Variants in CADM2 observed in about 807,000 individuals in gnomAD.
CADM2 encodes cell adhesion molecule 2, also known as immunoglobulin superfamily member 4D.
A neutral mutation model predicts 49.8 loss-of-function variants in CADM2; 12 were observed. The observed-to-expected ratio is 0.24, with a 90% CI of 0.15 to 0.39. The LOEUF (loss-of-function observed/expected upper bound fraction) is 0.39. CADM2 is among the 10% of genes least tolerant of loss of function. The probability of loss-of-function intolerance (pLI) is 1.00; values close to 1 mark genes in which losing one functional copy is unlikely to be tolerated. For synonymous variants in CADM2, 214 were observed against 175.4 expected, an observed-to-expected ratio of 1.22 and a Z score of -1.74; for missense variants, 378 against 492.3, an observed-to-expected ratio of 0.77 and a Z score of 2.20.
intron 1 of CADM2, among the ~76,000 whole-genome samples, chr3:85,387,097 C>G (rs2034272200): frequency 6.6e-6 from 1 of 152,050 alleles, no homozygotes; most frequent in Non-Finnish European, 1.5e-5. Flanking sequence ...TCTCATGGAG[C>G]CGCTGGGGGA....
At chr3:85,013,533 T>C (rs1057234112) in intron 1 of CADM2, among the ~76,000 whole-genome samples, 1 of 151,758 alleles carries the variant, frequency 6.6e-6, no homozygotes, top group Non-Finnish European at 1.5e-5. Context: ...GAATACAAAT[T>C]CTTGTGGCAT....
intron 8 of CADM2, among the ~76,000 whole-genome samples, chr3:86,053,652 A>T (rs1302561932): frequency 1.3e-5 from 2 of 152,062 alleles, no homozygotes; most frequent in Admixed American, 1.3e-4. Context: ...ACTTTCCCGT[A>T]TGAAAATTCT....
At chr3:85,723,304 A>G (rs1361068020) in intron 1 of CADM2, among the ~76,000 whole-genome samples, 1 of 152,148 alleles carries the variant, frequency 6.6e-6, no homozygotes, top group Non-Finnish European at 1.5e-5. Context: ...AGTATCTTTA[A>G]TTCTGTTCTG....
At chr3:85,267,842 C>T (rs1553702418) in intron 1 of CADM2, among the ~76,000 whole-genome samples, 1 of 151,508 alleles carries the variant, frequency 6.6e-6, no homozygotes, top group Non-Finnish European at 1.5e-5. Flanking sequence ...AGGCAGAATA[C>T]ATTTATCTTA....
chr3:85,530,456 A>G (rs62252499), intron 1 of CADM2, among the ~76,000 whole-genome samples: 77,470 of 148,304 alleles, frequency 0.52, 22,944 homozygotes, highest in East Asian at 0.85. Context: ...TCAGCCTCCC[A>G]AGTCGCTGGG....
intron 1 of CADM2, among the ~76,000 whole-genome samples, chr3:84,967,869 C>T (rs1229821389): frequency 6.6e-6 from 1 of 151,854 alleles, no homozygotes; most frequent in Non-Finnish European, 1.5e-5. Context: ...TTGAAAGCTC[C>T]ATTCCGTAAT....
intron 1 of CADM2, among the ~76,000 whole-genome samples, chr3:85,209,133 C>T (rs1038858157): frequency 1.3e-5 from 2 of 152,090 alleles, no homozygotes; most frequent in Middle Eastern, 3.4e-3. Context: ...GTTTTTCCTC[C>T]AAAATACTAC....
chr3:85,033,305 G>T (rs1213126190), intron 1 of CADM2, among the ~76,000 whole-genome samples: 1 of 152,114 alleles, frequency 6.6e-6, no homozygotes, highest in African/African-American at 2.4e-5. Flanking sequence ...CTCCCAAGGT[G>T]CTCACTGAAT....
At chr3:84,965,836 G>A (rs1329131287) in intron 1 of CADM2, among the ~76,000 whole-genome samples, 2 of 152,088 alleles carry the variant, frequency 1.3e-5, no homozygotes, top group Non-Finnish European at 1.5e-5. Context: ...TGTCTCTTCA[G>A]TTTATTTAGT....
At chr3:85,411,502 G>GAA (rs2035654193) in intron 1 of CADM2, among the ~76,000 whole-genome samples, 6 of 152,064 alleles carry the variant, frequency 3.9e-5, no homozygotes, top group Admixed American at 3.9e-4. Flanking sequence ...GATTCTTTAC[G>GAA]GAGAAAGTGA....
intron 1 of CADM2, among the ~76,000 whole-genome samples, chr3:85,014,988 G>A (rs1027667243): frequency 6.6e-6 from 1 of 151,880 alleles, no homozygotes; most frequent in Non-Finnish European, 1.5e-5. Flanking sequence ...TGAGAAAGAA[G>A]GTTTACAGTT....
intron 1 of CADM2, among the ~76,000 whole-genome samples, chr3:85,116,041 C>T (rs957480482): frequency 2.0e-5 from 3 of 152,114 alleles, no homozygotes; most frequent in South Asian, 2.1e-4. Flanking sequence ...AACACATGTG[C>T]GTGGGCCAGG....
At chr3:85,988,726 T>C (rs1037443306) in intron 8 of CADM2, among the ~76,000 whole-genome samples, 1 of 152,218 alleles carries the variant, frequency 6.6e-6, no homozygotes, top group Non-Finnish European at 1.5e-5. Context: ...GTCCAGAGAA[T>C]TCTGTTCAAA....
chr3:85,873,654 A>G (rs1711498687), intron 3 of CADM2, among the ~76,000 whole-genome samples: 1 of 152,164 alleles, frequency 6.6e-6, no homozygotes, highest in South Asian at 2.1e-4. Context: ...TGACAGAGTG[A>G]GTGAAATTCA....
At position 85,541,768 on chromosome 3, in the gene CADM2, T is replaced by TTTATATA. The variant is rs1559897676; in HGVS notation, c.62-184753_62-184752insTATATAT. Among the ~76,000 whole-genome samples the TTTATATA allele has an allele frequency of 4.9e-5, 3 of 61,032 alleles. 1 individual carries two copies. The highest frequency in any genetic ancestry group is 2.5e-4 in the African/African-American group (3 of 11,828). 40.0% of individuals were successfully genotyped at this position (61,032 alleles called of 152,430 possible). On this transcript the variant is annotated intron_variant, in intron 1 of 9. Transcript: ENST00000383699. ...ATTTTATATATTTTATATATATATT[T>TTTATATA]TATATTTTATATATATATATATATA...
intron 8 of CADM2, among the ~76,000 whole-genome samples, chr3:86,030,111 C>T (rs1424078041): frequency 6.6e-6 from 1 of 151,796 alleles, no homozygotes; most frequent in Non-Finnish European, 1.5e-5. Flanking sequence ...TTGAAAAAGA[C>T]CACTTGAATA....
chr3:85,799,905 C>T (rs1173132482), intron 2 of CADM2: 1 of 152,346 alleles, frequency 6.6e-6, no homozygotes, highest in African/African-American at 2.4e-5. Flanking sequence ...TAGCAGAGTT[C>T]GAGCATTGTG....
At chr3:85,870,130 C>T (rs567277268) in intron 3 of CADM2, among the ~76,000 whole-genome samples, 65 of 152,256 alleles carry the variant, frequency 4.3e-4, no homozygotes, top group Admixed American at 3.3e-4. Flanking sequence ...AAATGCAGCA[C>T]TGACTTGGTA....
At chr3:85,615,891 G>T (rs2063789319) in intron 1 of CADM2, among the ~76,000 whole-genome samples, 2 of 151,818 alleles carry the variant, frequency 1.3e-5, no homozygotes, top group Non-Finnish European at 2.9e-5. Flanking sequence ...TTTCATTTCA[G>T]ATCTTGTAAA....
Sources: gnomAD v4.1 joint callset for allele counts (sites outside exome capture counted in the v4.1 genomes callset) on GRCh38, gnomAD v4.1.1 for gene constraint, MANE v1.5 for transcripts, NCBI Gene and HGNC (gene_info 2026-07-23, HGNC 2026-07-21) for gene names.